Variants in ABCD3 observed in about 807,000 individuals in gnomAD.
ABCD3 encodes ATP-binding cassette sub-family D member 3.
ABCD3 carries 41 observed loss-of-function variants against 105.5 expected under a neutral mutation model. The ratio of observed to expected loss-of-function variants is 0.39; its 90% CI spans 0.30 to 0.50. The LOEUF (loss-of-function observed/expected upper bound fraction) is 0.50. Ranked by LOEUF, ABCD3 falls within the 20% of genes least tolerant of loss-of-function variation. ABCD3 has a pLI of 0.84. For missense variants in ABCD3, 622 were observed against 806.3 expected, an observed-to-expected ratio of 0.77 and a Z score of 2.77; for synonymous variants, 258 against 269.0, an observed-to-expected ratio of 0.96 and a Z score of 0.40.
intron 1 of ABCD3, among the ~76,000 whole-genome samples, chr1:94,451,370 G>C (rs1419522814): frequency 6.6e-6 from 1 of 152,076 alleles, no homozygotes; most frequent in African/African-American, 2.4e-5. Flanking sequence ...GAATAATTTT[G>C]AGGCTTATAA....
the ABCD3 span, among the ~76,000 whole-genome samples, chr1:94,397,000 T>C: frequency 1.3e-5 from 2 of 152,242 alleles, no homozygotes; most frequent in South Asian, 2.1e-4. Flanking sequence ...TTAGGATTTG[T>C]CTATTTATGC....
rs560387060 is a variant in ABCD3, at chr1:94,418,452, C to A, written c.-27C>A. 5 of 1,559,344 alleles carry A rather than the reference C, an allele frequency of 3.2e-6. No individual in the cohort carries two copies. Among genetic ancestry groups the A allele is most frequent in the Non-Finnish European group, 4.3e-6 (5 of 1,151,336 alleles). On this transcript the variant is annotated 5_prime_UTR_variant, in exon 1 of 23. Coordinates refer to ENST00000370214, the MANE Select transcript of ABCD3 (RefSeq NM_002858.4). The stretch of plus-strand genomic sequence containing the variant: ...CGCCGCCGCCGCCGCCGCGTCCCCT[C>A]GCCGGCTCGCTGGTACCGGCAGTGC...
chr1:94,412,902 T>A, the ABCD3 span, among the ~76,000 whole-genome samples: 1 of 152,212 alleles, frequency 6.6e-6, no homozygotes, highest in Non-Finnish European at 1.5e-5. Context: ...GCTATATCAT[T>A]ATTTGCTCAT....
rs756063558 is a variant in ABCD3, at chr1:94,418,538, C to T, written c.60C>T (p.Phe20=). The change falls in exon 1 of 23, where the codon TTC becomes TTT. Residue 20 remains phenylalanine, a synonymous_variant. Coordinates refer to ENST00000370214, the MANE Select transcript of ABCD3 (RefSeq NM_002858.4). ...ACTCCTCGCTGGCTGGTGCCGCGTTCCTGCTGCTCTGCCTGCTCCACAAGC... is the reference window on the plus strand; with the variant it reads ...ACTCCTCGCTGGCTGGTGCCGCGTTTCTGCTGCTCTGCCTGCTCCACAAGC... ...ARNSSLAGAA[F]LLLCLLHKRR... 6.2e-7 allele frequency: 1 copy of T among 1,605,594 alleles called. No homozygotes were observed. The highest frequency in any genetic ancestry group is 1.1e-5 in the South Asian group (1 of 90,874).
the ABCD3 span, chr1:94,406,555 G>A: frequency 3.2e-5 from 11 of 347,662 alleles, no homozygotes; most frequent in South Asian, 1.3e-4. Flanking sequence ...TCCTTCTTGC[G>A]TTTCAGGAAG....
chr1:94,503,528 C>T (rs1650205584), intron 20 of ABCD3, among the ~76,000 whole-genome samples: 1 of 152,134 alleles, frequency 6.6e-6, no homozygotes, highest in Admixed American at 6.6e-5. Context: ...CTACATTTAA[C>T]CTCTTCTAGT....
the ABCD3 span, among the ~76,000 whole-genome samples, chr1:94,393,008 A>G: frequency 6.6e-6 from 1 of 152,044 alleles, no homozygotes; most frequent in Non-Finnish European, 1.5e-5. Context: ...GCTACTCGGG[A>G]GGCTGAGGCA....
intron 19 of ABCD3, among the ~76,000 whole-genome samples, 194 bp from the exon 20 acceptor site, chr1:94,499,301 A>G (rs1305974863): frequency 6.6e-6 from 1 of 152,126 alleles, no homozygotes; most frequent in African/African-American, 2.4e-5. Flanking sequence ...TACTAGACAT[A>G]TTTTGTCAAG....
chr1:94,488,610 G>A (rs751343985), intron 13 of ABCD3, among the ~76,000 whole-genome samples: 1 of 151,896 alleles, frequency 6.6e-6, no homozygotes, highest in Non-Finnish European at 1.5e-5. Context: ...TCTTTCCTAG[G>A]CCTGTGATCC....
chr1:94,398,114 A>G, the ABCD3 span, among the ~76,000 whole-genome samples: 3 of 152,164 alleles, frequency 2.0e-5, no homozygotes, highest in Non-Finnish European at 2.9e-5. Flanking sequence ...TTGGGTTATA[A>G]TCCAATACTA....
At chr1:94,458,940 C>A (rs1211993678) in intron 2 of ABCD3, among the ~76,000 whole-genome samples, 1 of 139,244 alleles carries the variant, frequency 7.2e-6, no homozygotes, top group Non-Finnish European at 1.5e-5. Context: ...TCTTGTCCCC[C>A]CTCCCTTCCC....
At chr1:94,479,740 A>G (rs1384935884) in intron 8 of ABCD3, among the ~76,000 whole-genome samples, 1 of 152,122 alleles carries the variant, frequency 6.6e-6, no homozygotes, top group African/African-American at 2.4e-5. Flanking sequence ...TTCAGGAAAC[A>G]TTTATATATT....
chr1:94,438,303 CACA>C (rs1659988324), intron 1 of ABCD3, among the ~76,000 whole-genome samples: 1 of 45,170 alleles, frequency 2.2e-5, no homozygotes, highest in Non-Finnish European at 4.1e-5. Flanking sequence ...CACACACATA[CACA>C]CACACACACA....
chr1:94,495,736 G>A (rs1340178333), intron 16 of ABCD3, among the ~76,000 whole-genome samples: 1 of 152,186 alleles, frequency 6.6e-6, no homozygotes, highest in African/African-American at 2.4e-5. Context: ...ACAAAGAGCA[G>A]TTAGGAGGGG....
chr1:94,458,812 A>G (rs1056712785), intron 2 of ABCD3, among the ~76,000 whole-genome samples, 169 bp downstream of exon 2: 1 of 152,140 alleles, frequency 6.6e-6, no homozygotes, highest in Non-Finnish European at 1.5e-5. Flanking sequence ...CTGACAGGAA[A>G]GTGTTACTCT....
At chr1:94,435,760 G>A (rs992589661) in intron 1 of ABCD3, among the ~76,000 whole-genome samples, 1 of 152,154 alleles carries the variant, frequency 6.6e-6, no homozygotes, top group African/African-American at 2.4e-5. Flanking sequence ...GGAAAAGTTG[G>A]ATATTTGCTT....
At chr1:94,495,180 T>A (rs913928609) in intron 16 of ABCD3, among the ~76,000 whole-genome samples, 1 of 152,226 alleles carries the variant, frequency 6.6e-6, no homozygotes, top group African/African-American at 2.4e-5. Context: ...AACACCATAC[T>A]TTTATATAAT....
intron 22 of ABCD3, 94 bp downstream of exon 22, chr1:94,515,296 T>G: frequency 1.9e-6 from 2 of 1,067,104 alleles, no homozygotes; most frequent in Non-Finnish European, 2.9e-6. Flanking sequence ...ATGGTTTGTA[T>G]TCCCTTAAAC....
chr1:94,517,220 G>GT lies in ABCD3; in HGVS notation c.*99dup, dbSNP rs80246136. 1.8e-3 allele frequency: 1,589 copies of GT among 900,762 alleles called. 2 individuals carry two copies. The highest frequency in any genetic ancestry group is 7.3e-3 in the East Asian group (262 of 36,112). The allele number at this position is 900,762 out of a possible 1,614,324, so 55.8% of individuals were successfully genotyped here. ...ACATTGTAAAATAAAGTTGAGCTTA[G>GT]TTTTTTTTAAAAAAAAAAACAAAGC... On this transcript the variant is annotated 3_prime_UTR_variant, in exon 23 of 23. Coordinates refer to ENST00000370214, the MANE Select transcript of ABCD3 (RefSeq NM_002858.4).
Sources: gnomAD v4.1 joint callset for allele counts (sites outside exome capture counted in the v4.1 genomes callset) on GRCh38, gnomAD v4.1.1 for gene constraint, MANE v1.5 for transcripts, NCBI Gene and HGNC (gene_info 2026-07-23, HGNC 2026-07-21) for gene names.